APPBP2: variants seen among roughly 807,000 people sequenced by gnomAD.
The protein encoded by APPBP2 is amyloid beta precursor protein binding protein 2, also known as amyloid protein-binding protein 2.
APPBP2 carries 15 observed loss-of-function variants against 76.0 expected under a neutral mutation model. The observed-to-expected ratio is 0.20, with a 90% CI of 0.13 to 0.30. The LOEUF (loss-of-function observed/expected upper bound fraction) is 0.30. Ranked by LOEUF, APPBP2 falls within the 10% of genes least tolerant of loss-of-function variation. APPBP2 has a pLI of 1.00. For missense variants in APPBP2, 401 were observed against 687.2 expected, an observed-to-expected ratio of 0.58 and a Z score of 4.66; for synonymous variants, 222 against 242.2, an observed-to-expected ratio of 0.92 and a Z score of 0.77.
rs2090356138 is a variant in APPBP2 at position 60,447,267 on chromosome 17, AT to A, written c.*313del. The A allele has an allele frequency of 7.8e-5, 18 of 229,648 alleles. No individual in the cohort carries two copies. Among genetic ancestry groups the A allele is most frequent in the South Asian group, 1.4e-4 (1 of 7,326 alleles). 14.2% of individuals were successfully genotyped at this position (229,648 alleles called of 1,614,324 possible). On this transcript the variant is annotated 3_prime_UTR_variant, in exon 13 of 13. Transcript: ENST00000083182. The stretch of plus-strand genomic sequence containing the variant: ...CTCTTAAATAGTTTTATTTAGGGGT[AT>A]TTTTTTTCTTTCAGGCTTTCTGCAA...
At chr17:60,516,179 A>AC (rs2090961749) in intron 1 of APPBP2, among the ~76,000 whole-genome samples, 1 of 152,028 alleles carries the variant, frequency 6.6e-6, no homozygotes, top group African/African-American at 2.4e-5. Flanking sequence ...CAAAAACAAA[A>AC]AAAAAACAAA....
chr17:60,462,705 C>A, intron 6 of APPBP2: 1 of 152,280 alleles, frequency 6.6e-6, no homozygotes, highest in Non-Finnish European at 1.5e-5. Flanking sequence ...AATCCCAGCA[C>A]TTTGGGAGGC....
At chr17:60,514,789 G>A (rs2090949244) in intron 1 of APPBP2, among the ~76,000 whole-genome samples, 1 of 152,106 alleles carries the variant, frequency 6.6e-6, no homozygotes. Context: ...ACAGGTGAAG[G>A]CTGATGTTAT....
intron 6 of APPBP2, 100 bp downstream of exon 6, chr17:60,463,921 G>C (rs996522281): frequency 7.8e-5 from 60 of 772,226 alleles, no homozygotes; most frequent in Non-Finnish European, 1.0e-4. Flanking sequence ...TGCCTACGGA[G>C]TGTACAAATA....
Position 60,461,892 on chromosome 17 carries a change from G to C in APPBP2, c.854C>G (p.Pro285Arg), listed in dbSNP as rs1468748639. Residue 285 changes from proline to arginine, a missense_variant, in exon 8 of 13, where the codon CCA becomes CGA. Coordinates refer to ENST00000083182, the MANE Select transcript of APPBP2 (RefSeq NM_006380.5). Reference sequence around the variant, plus strand: ...ATCTAGCAGTGTATCAGAATATTTTGGGTGTTTGGATCCAAAATGATCCCT... The same window carrying C: ...ATCTAGCAGTGTATCAGAATATTTTCGGTGTTTGGATCCAAAATGATCCCT... ...LARDHFGSKH[P>R]KYSDTLLDYG... is the part of the protein sequence containing the mutation. The C allele has an allele frequency of 6.2e-7, 1 of 1,613,102 alleles. No homozygotes were observed. Among genetic ancestry groups the C allele is most frequent in the African/African-American group, 1.3e-5 (1 of 74,836 alleles).
chr17:60,477,446 G>A (rs1448747101), intron 4 of APPBP2: 2 of 152,082 alleles, frequency 1.3e-5, no homozygotes, highest in Admixed American at 6.5e-5. Context: ...ACCAGTTTAT[G>A]TACATAGCAA....
chr17:60,464,262 A>G (rs1567921917), intron 5 of APPBP2, 152 bp from the exon 6 acceptor site: 3 of 634,626 alleles, frequency 4.7e-6, no homozygotes, highest in Non-Finnish European at 5.6e-6. Flanking sequence ...AACTTTCTTC[A>G]AAGTATAAAT....
Position 60,466,741 on chromosome 17 carries a change from C to T in APPBP2, c.504-282G>A, listed in dbSNP as rs193235432. Among the ~76,000 whole-genome samples the T allele has an allele frequency of 2.1e-3, 319 of 152,108 alleles. 1 individual carries two copies. The highest frequency in any genetic ancestry group is 7.5e-3 in the African/African-American group (309 of 41,420). ...GCATGTACTGCATCTAAAAAAATGA[C>T]ATTTAATCTTTTTGTTCCAAATCCA... is the stretch of plus-strand genomic sequence containing the variant. On this transcript the variant is annotated intron_variant, in intron 4 of 12. Transcript: ENST00000083182.
intron 3 of APPBP2, among the ~76,000 whole-genome samples, chr17:60,486,119 C>G (rs2090675456): frequency 1.3e-5 from 2 of 152,154 alleles, no homozygotes; most frequent in Non-Finnish European, 2.9e-5. Flanking sequence ...TTACTTTCAA[C>G]TATGTGGTCA....
At position 60,474,166 on chromosome 17, in the gene APPBP2, AT is replaced by A. The variant is rs534845750; in HGVS notation, c.503+4981del. Among the ~76,000 whole-genome samples, 383 of 149,116 alleles carry A rather than the reference AT, an allele frequency of 2.6e-3. 1 individual carries two copies. Among genetic ancestry groups the A allele is most frequent in the African/African-American group, 9.0e-3 (368 of 41,060 alleles). ...AATAATTCTAAATCTGTTAAATTTC[AT>A]TTTTTTTTTATTTTTTTTTTTTGAG... is the stretch of plus-strand genomic sequence containing the variant. On this transcript the variant is annotated intron_variant, in intron 4 of 12. Transcript: ENST00000083182.
chr17:60,445,843 T>C lies in APPBP2; in HGVS notation c.*1738A>G, dbSNP rs1279245717. 6.6e-6 allele frequency: 1 copy of C among 152,210 alleles called. No homozygotes were observed. The highest frequency in any genetic ancestry group is 1.5e-5 in the Non-Finnish European group (1 of 68,092). 9.4% of individuals were successfully genotyped at this position (152,210 alleles called of 1,614,324 possible). On this transcript the variant is annotated 3_prime_UTR_variant, in exon 13 of 13. Transcript: ENST00000083182. The stretch of plus-strand genomic sequence containing the variant: ...ACAGTTACCATCTTAGGGTGTGGGT[T>C]TGCTTCATCTCTTTCAGTACATCCC...
At chr17:60,496,308 A>AGAAAAAAAACCTTTT (rs1255235508) in intron 2 of APPBP2, 1 of 152,256 alleles carries the variant, frequency 6.6e-6, no homozygotes, top group Non-Finnish European at 1.5e-5. Flanking sequence ...ACATTTCAAT[A>AGAAAAAAAACCTTTT]GAAAAAAAAC....
chr17:60,477,671 C>A (rs187340976), intron 4 of APPBP2, among the ~76,000 whole-genome samples: 4 of 152,064 alleles, frequency 2.6e-5, no homozygotes, highest in African/African-American at 9.6e-5. Context: ...TTATCACCTT[C>A]TAAAATATTA....
chr17:60,492,446 C>T (rs981552995), intron 3 of APPBP2, among the ~76,000 whole-genome samples: 5 of 152,200 alleles, frequency 3.3e-5, no homozygotes, highest in African/African-American at 2.4e-5. Context: ...CACAGACACT[C>T]GACGCCAGTC....
intron 5 of APPBP2, among the ~76,000 whole-genome samples, chr17:60,465,538 G>A (rs1453509978): frequency 6.6e-6 from 1 of 152,108 alleles, no homozygotes; most frequent in Non-Finnish European, 1.5e-5. Flanking sequence ...ACATGAATAA[G>A]GCACAGTATA....
At chr17:60,483,583 C>T (rs548263244) in intron 3 of APPBP2, among the ~76,000 whole-genome samples, 2 of 152,058 alleles carry the variant, frequency 1.3e-5, no homozygotes, top group African/African-American at 2.4e-5. Context: ...TTAGTAGAGA[C>T]GGGGTTTCAC....
At chr17:60,519,291 A>C (rs948685788) in intron 1 of APPBP2, among the ~76,000 whole-genome samples, 4 of 152,022 alleles carry the variant, frequency 2.6e-5, no homozygotes. Flanking sequence ...TGACATTTTC[A>C]TGATTTGTAC....
At position 60,485,858 on chromosome 17, in the gene APPBP2, CA is replaced by C. The variant is rs558256441; in HGVS notation, c.380-6588del. On this transcript the variant is annotated intron_variant, in intron 3 of 12. Coordinates refer to ENST00000083182, the MANE Select transcript of APPBP2 (RefSeq NM_006380.5). ...TATTAGTGCTATAAATTTACCTCTA[CA>C]CACAGCTTTAAATGTGTCCCAGAGA... 9.2e-5 allele frequency among the ~76,000 whole-genome samples: 14 copies of C among 152,322 alleles called. No individual in the cohort carries two copies. In the East Asian group the frequency reaches 2.7e-3, roughly 29 times the overall value.
rs1382176427 is a variant in APPBP2, at chr17:60,451,877, T to C, written c.1504+3A>G. 6.2e-7 allele frequency: 1 copy of C among 1,600,302 alleles called. No homozygotes were observed. ...GACTAAAGAAAATTTAAATGTAACA[T>C]ACCAATTGCTATAGATCGCAAATAA... On this transcript the variant is annotated splice_donor_region_variant and intron_variant, in intron 12 of 12. Coordinates refer to ENST00000083182, the MANE Select transcript of APPBP2 (RefSeq NM_006380.5).
Sources: allele counts gnomAD v4.1 joint callset (sites outside exome capture counted in the v4.1 genomes callset), GRCh38; gene constraint gnomAD v4.1.1; transcripts MANE v1.5; gene names NCBI Gene and HGNC (gene_info 2026-07-23, HGNC 2026-07-21).